ZNF675: variants seen among roughly 807,000 people sequenced by gnomAD.
ZNF675 encodes the protein TRAF6 inhibitory zinc finger.
In ZNF675, 36 loss-of-function variants were observed where a neutral mutation model predicts 56.1. The ratio of observed to expected loss-of-function variants is 0.64; its 90% CI spans 0.49 to 0.85. The LOEUF is 0.85. Ranked by LOEUF, ZNF675 falls within the 40% of genes least tolerant of loss-of-function variation. ZNF675 has a pLI of 0.00. For synonymous variants in ZNF675, 200 were observed against 218.9 expected, an observed-to-expected ratio of 0.91 and a Z score of 0.76; for missense variants, 663 against 654.2, an observed-to-expected ratio of 1.01 and a Z score of -0.15.
chr19:23,662,928 G>A (rs1968098881), intron 2 of ZNF675, 104 bp downstream of exon 2: 1 of 1,120,464 alleles, frequency 8.9e-7, no homozygotes, highest in South Asian at 1.7e-5. Context: ...AGGTTGCAGT[G>A]AGCCAAGATC....
rs143428977 is a variant in ZNF675 at position 23,653,776 on chromosome 19, T to C, written c.1157A>G (p.His386Arg). The change falls in exon 4 of 4, where the codon CAT (histidine) becomes CGT (arginine). Residue 386 changes from histidine (H) to arginine (R), a missense_variant. His to Arg is a conservative substitution (Grantham distance 29, BLOSUM62 0). Around this residue, in one of 3 missense-constraint regions of ZNF675, gnomAD observed 617 missense variants for 590.5 expected, o/e 1.04. Transcript: ENST00000359788. The part of the protein sequence containing the change: ...AFNRSSNLTE[H>R]RKIHTEEKPY... The stretch of plus-strand genomic sequence containing the variant: ...TTTCTCTTCGGTATGAATTTTCCTA[T>C]GTTCCGTAAGATTTGAGGATCGGTT... 52 of 1,613,884 alleles carry C rather than the reference T, an allele frequency of 3.2e-5. No individual in the cohort carries two copies. Among genetic ancestry groups the C allele is most frequent in the Middle Eastern group, 1.6e-4 (1 of 6,084 alleles).
chr19:23,661,120 C>A (rs997765596), intron 3 of ZNF675, among the ~76,000 whole-genome samples: 2 of 151,574 alleles, frequency 1.3e-5, no homozygotes, highest in East Asian at 3.9e-4. Context: ...TAGTAGACAC[C>A]GGGTTTCACC....
In ZNF675 at chr19:23,653,325, A is replaced by G. The variant is rs1413000951; in HGVS notation, c.1608T>C (p.Tyr536=). The change falls in exon 4 of 4, where the codon TAT becomes TAC. Residue 536 remains tyrosine, a synonymous_variant. Coordinates refer to ENST00000359788, the MANE Select transcript of ZNF675 (RefSeq NM_138330.3). ...AAGCTTTGTCACATCTCTCACATTT[A>G]TAGGGTTTCTCTCCAGTATGAATTA... The part of the protein sequence containing the change: ...HKIIHTGEKP[Y]KCERCDKAFN... 1 of 1,613,486 alleles carries G rather than the reference A, an allele frequency of 6.2e-7. No individual in the cohort carries two copies. Among genetic ancestry groups the G allele is most frequent in the Non-Finnish European group, 8.5e-7 (1 of 1,179,894 alleles).
chr19:23,678,569 TA>T lies in ZNF675; in HGVS notation c.3+8461del, dbSNP rs112040202. On this transcript the variant is annotated intron_variant, in intron 1 of 3. Transcript: ENST00000359788. ...CCTGGCCTCAAAAATATTCTTAACT[TA>T]AAAAAAAAAAAAATTAAATACATAT... Among the ~76,000 whole-genome samples the T allele has an allele frequency of 3.9e-4, 55 of 142,700 alleles. 2 individuals carry two copies. The highest frequency in any genetic ancestry group is 1.3e-3 in the African/African-American group (49 of 37,616). The allele number at this position is 142,700 out of a possible 152,430, so 93.6% of individuals were successfully genotyped here.
At position 23,674,001 on chromosome 19, in the gene ZNF675, G is replaced by A. The variant is rs970484027; in HGVS notation, c.4-10843C>T. 4.8e-4 allele frequency among the ~76,000 whole-genome samples: 72 copies of A among 150,080 alleles called. 4 individuals are homozygous for A. Among genetic ancestry groups the A allele is most frequent in the African/African-American group, 1.6e-3 (66 of 40,550 alleles). ...GTGGATCACCTGAGGTCAGGAGTTC[G>A]AAACCAGCCTGACCAACATGGTGAA... is the stretch of plus-strand genomic sequence containing the variant. On this transcript the variant is annotated intron_variant, in intron 1 of 3. Coordinates refer to ENST00000359788, the MANE Select transcript of ZNF675 (RefSeq NM_138330.3).
intron 1 of ZNF675, among the ~76,000 whole-genome samples, chr19:23,668,498 GC>G (rs71165861): frequency 0.97 from 147,836 of 152,186 alleles, 71,971 homozygotes; most frequent in Middle Eastern, 1. Flanking sequence ...TGCAGGTGGA[GC>G]TGCCTGCCAG....
At chr19:23,683,052 G>A (rs1157514949) in intron 1 of ZNF675, among the ~76,000 whole-genome samples, 1 of 151,364 alleles carries the variant, frequency 6.6e-6, no homozygotes, top group African/African-American at 2.4e-5. Flanking sequence ...AGCCAGGCGT[G>A]GTGGTGCGCA....
intron 3 of ZNF675, among the ~76,000 whole-genome samples, chr19:23,658,014 A>C (rs74255618): frequency 0.096 from 14,558 of 152,214 alleles, 764 homozygotes; most frequent in East Asian, 0.22. Flanking sequence ...AAACCATAGT[A>C]AGAGAAACGT....
chr19:23,660,258 C>T lies in ZNF675; in HGVS notation c.226+1856G>A, dbSNP rs573207992. On this transcript the variant is annotated intron_variant, in intron 3 of 3. Transcript: ENST00000359788. ...CTGAGCGTCCAACAAAAGATCTTTA[C>T]CTTCTGAAACCAGTTTATAAAAACT... 1.6e-4 allele frequency among the ~76,000 whole-genome samples: 24 copies of T among 151,960 alleles called. No homozygotes were observed. The South Asian group carries it at 4.8e-3, about 30-fold the overall frequency.
chr19:23,661,560 C>T (rs1208242035), intron 3 of ZNF675, among the ~76,000 whole-genome samples: 1 of 151,830 alleles, frequency 6.6e-6, no homozygotes, highest in Admixed American at 6.6e-5. Flanking sequence ...TGTGGTGGCA[C>T]GTGCTTGTAA....
chr19:23,663,219 T>C, intron 1 of ZNF675, 61 bp from the exon 2 acceptor site: 1 of 1,559,886 alleles, frequency 6.4e-7, no homozygotes, highest in East Asian at 2.4e-5. Context: ...ATAATTTGAC[T>C]CAAGGTAAAA....
At chr19:23,673,406 T>A (rs1032287690) in intron 1 of ZNF675, among the ~76,000 whole-genome samples, 1 of 152,144 alleles carries the variant, frequency 6.6e-6, no homozygotes, top group African/African-American at 2.4e-5. Flanking sequence ...AGAGGTAAAA[T>A]GGCTGATTGC....
Position 23,654,524 on chromosome 19 carries a change from G to A in ZNF675, c.409C>T (p.Pro137Ser). Residue 137 changes from proline (P) to serine (S), a missense_variant, in exon 4 of 4, where the codon CCA (proline) becomes TCA (serine). By Grantham distance (74) the Pro-to-Ser change is moderately conservative. This residue lies in a region of ZNF675 where 617 missense variants were observed against 590.5 expected (regional missense o/e 1.04). Transcript: ENST00000359788. ...TGAAACATTTTGCTCTGCATAGTTG[G>A]TAAACATTGGTTAAGTCCATTATAA... Reference protein sequence around the residue: ...GGYNGLNQCLPTMQSKMFQCD... With the variant: ...GGYNGLNQCLSTMQSKMFQCD... The A allele has an allele frequency of 6.2e-7, 1 of 1,605,232 alleles. No individual in the cohort carries two copies. The highest frequency in any genetic ancestry group is 8.5e-7 in the Non-Finnish European group (1 of 1,175,864).
intron 2 of ZNF675, 61 bp from the exon 3 acceptor site, chr19:23,662,270 T>C: frequency 1.7e-6 from 2 of 1,199,818 alleles, no homozygotes; most frequent in Non-Finnish European, 2.5e-6. Context: ...ACCAACCTAG[T>C]AATGTGCTCA....
intron 1 of ZNF675, among the ~76,000 whole-genome samples, chr19:23,676,238 G>A (rs933705682): frequency 1.3e-5 from 2 of 151,594 alleles, no homozygotes; most frequent in African/African-American, 4.9e-5. Flanking sequence ...AAAAGCCCAG[G>A]ACCAGACGGA....
intron 1 of ZNF675, among the ~76,000 whole-genome samples, chr19:23,666,221 C>T (rs1968148725): frequency 6.6e-6 from 1 of 152,240 alleles, no homozygotes; most frequent in Non-Finnish European, 1.5e-5. Context: ...AGGAAATTGG[C>T]TGTCCACAAC....
chr19:23,681,856 A>ATTCT, intron 1 of ZNF675, among the ~76,000 whole-genome samples: 1 of 149,694 alleles, frequency 6.7e-6, no homozygotes, highest in Non-Finnish European at 1.5e-5. Flanking sequence ...CAACTCAGAA[A>ATTCT]AAGTCAAATG....
In ZNF675 at chr19:23,653,280, A is replaced by G. The variant is rs748996530; in HGVS notation, c.1653T>C (p.Leu551=). ...CDKAFNQSAN[L]TKHKKIHTGE... Reference sequence around the variant, plus strand: ...CAGTATGTATTTTTTTATGTTTAGTAAGGTTTGCAGATTGGTTAAAAGCTT... The same window carrying G: ...CAGTATGTATTTTTTTATGTTTAGTGAGGTTTGCAGATTGGTTAAAAGCTT... Residue 551 remains leucine (L), a synonymous_variant, in exon 4 of 4, where the codon CTT becomes CTC. Transcript: ENST00000359788. 1.2e-6 allele frequency: 2 copies of G among 1,612,604 alleles called. No individual in the cohort carries two copies. The highest frequency in any genetic ancestry group is 1.7e-6 in the Non-Finnish European group (2 of 1,179,486).
intron 1 of ZNF675, among the ~76,000 whole-genome samples, chr19:23,681,475 A>G (rs773253673): frequency 6.6e-6 from 1 of 151,726 alleles, no homozygotes; most frequent in Non-Finnish European, 1.5e-5. Context: ...GAGCTTGTGT[A>G]CAGGAGAGCA....
Sources: gnomAD v4.1 joint callset for allele counts (sites outside exome capture counted in the v4.1 genomes callset) on GRCh38, gnomAD v4.1.1 for gene constraint, gnomAD v4.1.1 regional missense constraint, MANE v1.5 for transcripts, NCBI Gene and HGNC (gene_info 2026-07-23, HGNC 2026-07-21) for gene names.